The following PTPRO variants were observed in gnomAD, a reference collection of about 807,000 sequenced individuals.
The protein encoded by PTPRO is receptor-type tyrosine-protein phosphatase O.
PTPRO carries 62 observed loss-of-function variants against 145.2 expected under a neutral mutation model. The ratio of observed to expected loss-of-function variants is 0.43; its 90% confidence interval spans 0.35 to 0.53. The LOEUF (loss-of-function observed/expected upper bound fraction) is 0.53. Among genes scored for constraint, PTPRO ranks in the 20% least tolerant of loss-of-function variants. The pLI, the probability that PTPRO is intolerant of heterozygous loss-of-function variation, is 0.01. For missense variants in PTPRO, 1,345 were observed against 1,482.7 expected (o/e 0.91, Z 1.53); for synonymous variants, 565 against 514.7 (o/e 1.10, Z -1.32).
chr12:15,479,197 A>AT (rs1941725701), intron 1 of PTPRO, among the ~76,000 whole-genome samples: 1 of 152,184 alleles, frequency 6.6e-6, no homozygotes, highest in African/African-American at 2.4e-5. Context: ...AGATACTATC[A>AT]TCCCCAGCCC....
chr12:15,569,760 A>G (rs1943995522), intron 19 of PTPRO, among the ~76,000 whole-genome samples: 1 of 152,236 alleles, frequency 6.6e-6, no homozygotes, highest in South Asian at 2.1e-4. Flanking sequence ...AGTAGAAGCC[A>G]TCATTGAAAA....
chr12:15,569,811 G>A (rs1943997190), intron 19 of PTPRO, among the ~76,000 whole-genome samples: 1 of 152,164 alleles, frequency 6.6e-6, no homozygotes, highest in Non-Finnish European at 1.5e-5. Flanking sequence ...TGCAAGCTGA[G>A]GCATGAAGCC....
chr12:15,383,137 C>T (rs1446742994), intron 1 of PTPRO, among the ~76,000 whole-genome samples: 1 of 152,150 alleles, frequency 6.6e-6, no homozygotes, highest in African/African-American at 2.4e-5. Flanking sequence ...AACCATATCC[C>T]ACAGCACCTG....
intron 1 of PTPRO, among the ~76,000 whole-genome samples, chr12:15,396,280 GT>G (rs1939336836): frequency 6.6e-6 from 1 of 152,128 alleles, no homozygotes; most frequent in Admixed American, 6.6e-5. Flanking sequence ...GAAAATTAAG[GT>G]TTAGTGACAA....
chr12:15,474,412 C>G (rs1039181939), intron 1 of PTPRO, among the ~76,000 whole-genome samples: 1 of 152,138 alleles, frequency 6.6e-6, no homozygotes, highest in Admixed American at 6.5e-5. Flanking sequence ...AGCCAAGTGC[C>G]CAGACCCCTT....
intron 17 of PTPRO, among the ~76,000 whole-genome samples, chr12:15,560,832 C>A (rs1207753936): frequency 6.6e-6 from 1 of 152,042 alleles, no homozygotes; most frequent in East Asian, 1.9e-4. Flanking sequence ...TAGGGGCTTA[C>A]GGAGATTTAC....
At chr12:15,457,604 G>A (rs1000786592) in intron 1 of PTPRO, among the ~76,000 whole-genome samples, 1 of 151,604 alleles carries the variant, frequency 6.6e-6, no homozygotes, top group Non-Finnish European at 1.5e-5. Context: ...TTTTTATATT[G>A]ATATTTTATA....
intron 1 of PTPRO, among the ~76,000 whole-genome samples, chr12:15,341,511 T>C (rs1866983933): frequency 6.6e-6 from 1 of 152,218 alleles, no homozygotes; most frequent in African/African-American, 2.4e-5. Context: ...TTGATCTGAA[T>C]GAAATGAGGT....
intron 1 of PTPRO, among the ~76,000 whole-genome samples, chr12:15,346,917 C>A (rs1157729691): frequency 6.6e-6 from 1 of 152,126 alleles, no homozygotes; most frequent in East Asian, 1.9e-4. Flanking sequence ...TTGTCAATTC[C>A]TCACCTTTTT....
chr12:15,372,845 A>G (rs7967718), intron 1 of PTPRO, among the ~76,000 whole-genome samples: 25,643 of 152,144 alleles, frequency 0.17, 5,135 homozygotes, highest in African/African-American at 0.48. Flanking sequence ...TAAATAGACT[A>G]TCTTAGTCAG....
At chr12:15,465,763 A>G (rs944433636) in intron 1 of PTPRO, among the ~76,000 whole-genome samples, 1 of 152,214 alleles carries the variant, frequency 6.6e-6, no homozygotes, top group African/African-American at 2.4e-5. Flanking sequence ...GAGTTTGGCT[A>G]TTTAATGGGG....
chr12:15,326,838 T>G (rs1055443242), intron 1 of PTPRO, among the ~76,000 whole-genome samples: 1 of 152,228 alleles, frequency 6.6e-6, no homozygotes, highest in Non-Finnish European at 1.5e-5. Context: ...TGATGTTGCA[T>G]TTTCAGAAAC....
chr12:15,368,673 C>T (rs1473352045), intron 1 of PTPRO, among the ~76,000 whole-genome samples: 1 of 152,102 alleles, frequency 6.6e-6, no homozygotes, highest in Non-Finnish European at 1.5e-5. Context: ...TGGATTTATC[C>T]TCTAGATAAA....
chr12:15,586,624 G>C (rs1944435315), intron 23 of PTPRO, among the ~76,000 whole-genome samples: 1 of 152,192 alleles, frequency 6.6e-6, no homozygotes, highest in African/African-American at 2.4e-5. Flanking sequence ...CTAAATGACA[G>C]AGCCAGGATG....
At chr12:15,392,466 A>G (rs1192146495) in intron 1 of PTPRO, among the ~76,000 whole-genome samples, 1 of 151,550 alleles carries the variant, frequency 6.6e-6, no homozygotes, top group Non-Finnish European at 1.5e-5. Flanking sequence ...CATCCCTATA[A>G]TCCCAGCACT....
chr12:15,401,327 T>C (rs140780035), intron 1 of PTPRO, among the ~76,000 whole-genome samples: 1 of 152,322 alleles, frequency 6.6e-6, no homozygotes, highest in African/African-American at 2.4e-5. Context: ...TATAAGTGAC[T>C]GCAAGGAAAA....
intron 2 of PTPRO, among the ~76,000 whole-genome samples, chr12:15,488,229 G>T (rs1012596454): frequency 6.6e-6 from 1 of 152,148 alleles, no homozygotes; most frequent in South Asian, 2.1e-4. Context: ...ATTAATTCAT[G>T]ATGGTCTATT....
chr12:15,484,724 C>T (rs1295485100), intron 2 of PTPRO, among the ~76,000 whole-genome samples: 1 of 151,988 alleles, frequency 6.6e-6, no homozygotes, highest in Non-Finnish European at 1.5e-5. Flanking sequence ...TTATTCCCCA[C>T]CTCATCTTCA....
chr12:15,379,681 C>CA (rs538807789), intron 1 of PTPRO, among the ~76,000 whole-genome samples: 135 of 152,036 alleles, frequency 8.9e-4, no homozygotes, highest in Non-Finnish European at 1.7e-3. Context: ...ATGCCAATCA[C>CA]AAAAGTACTT....
Sources: gnomAD v4.1 joint callset for allele counts (sites outside exome capture counted in the v4.1 genomes callset) on GRCh38, gnomAD v4.1.1 for gene constraint, MANE v1.5 for transcripts, NCBI Gene and HGNC (gene_info 2026-07-23, HGNC 2026-07-21) for gene names.